The following CNTNAP5 variants were observed in gnomAD, a reference collection of about 807,000 sequenced individuals.
CNTNAP5 encodes contactin associated protein family member 5.
A neutral mutation model predicts 150.2 loss-of-function variants in CNTNAP5; 72 were observed. The ratio of observed to expected loss-of-function variants is 0.48; its 90% CI spans 0.40 to 0.58. The LOEUF (loss-of-function observed/expected upper bound fraction) is 0.58, where lower values mean the gene tolerates loss of function less well. CNTNAP5 is among the 20% of genes least tolerant of loss of function. The pLI is 0.00. For synonymous variants in CNTNAP5, 672 were observed against 619.8 expected (o/e 1.08, Z -1.25); for missense variants, 1,636 against 1,626.2 (o/e 1.01, Z -0.10).
chr2:124,691,499 G>A (rs1447516678), intron 13 of CNTNAP5, among the ~76,000 whole-genome samples: 3 of 152,030 alleles, frequency 2.0e-5, no homozygotes, highest in Non-Finnish European at 1.5e-5. Flanking sequence ...GGCTTTCTGA[G>A]GACTTCATTT....
At chr2:124,244,847 T>G (rs952129279) in intron 3 of CNTNAP5, among the ~76,000 whole-genome samples, 1 of 152,124 alleles carries the variant, frequency 6.6e-6, no homozygotes, top group African/African-American at 2.4e-5. Flanking sequence ...TAAATTGTCA[T>G]TCTATAAACT....
intron 1 of CNTNAP5, among the ~76,000 whole-genome samples, chr2:124,218,097 T>C (rs1480237171): frequency 6.6e-6 from 1 of 151,774 alleles, no homozygotes; most frequent in African/African-American, 2.4e-5. Context: ...AAGAATCTGA[T>C]ACATATTTTA....
At chr2:124,139,480 G>A (rs749825288) in intron 1 of CNTNAP5, among the ~76,000 whole-genome samples, 7 of 152,120 alleles carry the variant, frequency 4.6e-5, no homozygotes, top group Admixed American at 6.5e-5. Context: ...CTCTCTTGGT[G>A]TAGACTTCTC....
intron 14 of CNTNAP5, among the ~76,000 whole-genome samples, chr2:124,757,606 C>T (rs532864701): frequency 1.3e-5 from 2 of 152,298 alleles, no homozygotes; most frequent in African/African-American, 4.8e-5. Context: ...TGAGAAGTTT[C>T]ATCACCTTCC....
chr2:124,025,635 C>G lies in CNTNAP5; in HGVS notation c.-16C>G, dbSNP rs1333778499. On this transcript the variant is annotated 5_prime_UTR_variant, in exon 1 of 24. Transcript: ENST00000682447. ...AATTTGGGATTCGATTGGGAGGGAC[C>G]GCTCACTCGGGGGAAATGGATTCTT... The G allele has an allele frequency of 1.2e-6, 2 of 1,613,140 alleles. No homozygotes were observed. The highest frequency in any genetic ancestry group is 2.7e-5 in the African/African-American group (2 of 74,968).
intron 11 of CNTNAP5, among the ~76,000 whole-genome samples, chr2:124,581,657 A>G: frequency 6.6e-6 from 1 of 152,334 alleles, no homozygotes. Context: ...GAAAGCCCAC[A>G]GGTAATGATC....
chr2:124,883,810 C>G (rs1678019252), intron 21 of CNTNAP5, among the ~76,000 whole-genome samples: 2 of 152,038 alleles, frequency 1.3e-5, no homozygotes, highest in East Asian at 3.9e-4. Context: ...GTGTGGGCAA[C>G]TGTGTGCTAT....
intron 3 of CNTNAP5, among the ~76,000 whole-genome samples, chr2:124,340,052 T>G (rs1689572473): frequency 6.6e-6 from 1 of 152,152 alleles, no homozygotes; most frequent in South Asian, 2.1e-4. Context: ...CAGTAAAGGA[T>G]TATAGGAAGT....
chr2:124,235,383 A>G (rs1230586279), intron 2 of CNTNAP5, among the ~76,000 whole-genome samples: 3 of 151,928 alleles, frequency 2.0e-5, no homozygotes, highest in Non-Finnish European at 4.4e-5. Context: ...ATCCTCAACA[A>G]GACCACTTTC....
At chr2:124,067,647 G>A (rs1682194749) in intron 1 of CNTNAP5, among the ~76,000 whole-genome samples, 1 of 152,122 alleles carries the variant, frequency 6.6e-6, no homozygotes, top group South Asian at 2.1e-4. Context: ...GAAGGTTGGG[G>A]GACATGGCAT....
chr2:124,848,972 T>G (rs1683103462), intron 19 of CNTNAP5, among the ~76,000 whole-genome samples: 1 of 152,190 alleles, frequency 6.6e-6, no homozygotes, highest in South Asian at 2.1e-4. Context: ...TCTTATATTG[T>G]GCAGAAACTT....
chr2:124,058,588 T>C (rs1681919274), intron 1 of CNTNAP5, among the ~76,000 whole-genome samples: 1 of 152,204 alleles, frequency 6.6e-6, no homozygotes, highest in Non-Finnish European at 1.5e-5. Flanking sequence ...AAGTCTAGTA[T>C]ACCATTGTAT....
chr2:124,703,610 G>A (rs561507106), intron 13 of CNTNAP5, among the ~76,000 whole-genome samples: 4 of 152,204 alleles, frequency 2.6e-5, no homozygotes, highest in African/African-American at 9.6e-5. Context: ...CACCTTGTGC[G>A]ATGGCTAGTT....
chr2:124,899,544 G>A (rs1678374009), intron 21 of CNTNAP5, among the ~76,000 whole-genome samples: 1 of 151,514 alleles, frequency 6.6e-6, no homozygotes, highest in African/African-American at 2.4e-5. Flanking sequence ...TTTCCAAGAT[G>A]CCTTTGGTTT....
intron 7 of CNTNAP5, among the ~76,000 whole-genome samples, chr2:124,491,117 CA>C (rs1694013492): frequency 6.6e-6 from 1 of 152,034 alleles, no homozygotes; most frequent in South Asian, 2.1e-4. Context: ...TCAAGTTAAT[CA>C]ACACAACCAT....
At chr2:124,291,466 T>C (rs965055902) in intron 3 of CNTNAP5, among the ~76,000 whole-genome samples, 1 of 143,884 alleles carries the variant, frequency 7.0e-6, no homozygotes, top group Non-Finnish European at 1.5e-5. Flanking sequence ...TTAGAAACTA[T>C]AGATAGTAAA....
rs76713746 is a variant in CNTNAP5, at chr2:124,092,158, T to C, written c.82+66426T>C. The stretch of plus-strand genomic sequence containing the variant: ...TGTCCTGTTACAAGGTTATCTTACA[T>C]TATACCCATTATACAAGGGGATAAA... On this transcript the variant is annotated intron_variant, in intron 1 of 23. Transcript: ENST00000682447. Among the ~76,000 whole-genome samples, 660 of 152,312 alleles carry C rather than the reference T, an allele frequency of 4.3e-3. 5 individuals are homozygous for C. The highest frequency in any genetic ancestry group is 0.015 in the African/African-American group (631 of 41,558).
chr2:124,466,889 A>T (rs558733276), intron 6 of CNTNAP5, among the ~76,000 whole-genome samples: 12 of 152,224 alleles, frequency 7.9e-5, no homozygotes, highest in Admixed American at 6.6e-5. Flanking sequence ...ATGAATAGAA[A>T]GGCATAATCA....
At chr2:124,186,058 A>G (rs976517633) in intron 1 of CNTNAP5, among the ~76,000 whole-genome samples, 6 of 152,252 alleles carry the variant, frequency 3.9e-5, no homozygotes, top group African/African-American at 1.4e-4. Context: ...CAAGTATATC[A>G]GAACCCCCGG....
Sources: allele counts gnomAD v4.1 joint callset (sites outside exome capture counted in the v4.1 genomes callset), GRCh38; gene constraint gnomAD v4.1.1; transcripts MANE v1.5; gene names NCBI Gene and HGNC (gene_info 2026-07-23, HGNC 2026-07-21).